AGAP1: variants seen among roughly 807,000 people sequenced by gnomAD.
AGAP1 encodes arf-GAP with GTPase, ANK repeat and PH domain-containing protein 1.
Under a neutral mutation model 105.3 loss-of-function variants are expected in AGAP1, and 29 were observed. That is an observed-to-expected ratio of 0.28 (90% CI 0.21 to 0.38). The LOEUF (loss-of-function observed/expected upper bound fraction) is 0.38. Among genes scored for constraint, AGAP1 ranks in the 10% least tolerant of loss-of-function variants. The pLI is 1.00. For missense variants in AGAP1, 998 were observed against 1,165.1 expected (o/e 0.86, Z 2.09); for synonymous variants, 509 against 485.9 (o/e 1.05, Z -0.63).
At chr2:235,892,016 T>C (rs1318949625) in intron 10 of AGAP1, among the ~76,000 whole-genome samples, 3 of 152,128 alleles carry the variant, frequency 2.0e-5, no homozygotes, top group African/African-American at 7.2e-5. Context: ...TAACCAGGTG[T>C]GCTGGTGGGT....
intron 1 of AGAP1, among the ~76,000 whole-genome samples, chr2:235,685,155 G>A (rs535011918): frequency 1.4e-4 from 21 of 152,186 alleles, no homozygotes; most frequent in African/African-American, 3.9e-4. Context: ...GGGGACTCAC[G>A]CCTTGTGAGG....
In AGAP1 at chr2:235,625,752, T is replaced by A. The variant is rs1211924365; in HGVS notation, c.164-83427T>A. On this transcript the variant is annotated intron_variant, in intron 1 of 17. Coordinates refer to ENST00000304032, the MANE Select transcript of AGAP1 (RefSeq NM_001037131.3). This position sits in a 1 kb window ranked among gnomAD's most constrained non-coding sequence, Gnocchi z 4.0. ...GTTTGTTTGTAGCTTCAGCTAGTAC[T>A]TTTCATTGTAATCATGGCTCAGGTT... Among the ~76,000 whole-genome samples, 1 of 152,218 alleles carries A rather than the reference T, an allele frequency of 6.6e-6. No individual in the cohort carries two copies. Among genetic ancestry groups the A allele is most frequent in the East Asian group, 1.9e-4 (1 of 5,196 alleles).
intron 13 of AGAP1, among the ~76,000 whole-genome samples, chr2:236,004,398 C>T (rs954946658): frequency 7.2e-5 from 11 of 152,128 alleles, no homozygotes. Context: ...TCCCAGTGGG[C>T]CAAAGCTCAT....
intron 9 of AGAP1, chr2:235,852,869 T>A (rs1348304904): frequency 2.1e-6 from 3 of 1,398,984 alleles, no homozygotes; most frequent in African/African-American, 1.4e-5. Context: ...GGAGTTAACA[T>A]AGAGGTGAAC....
At position 235,965,486 on chromosome 2, in the gene AGAP1, A is replaced by G. The variant is rs912303077; in HGVS notation, c.1484-2976A>G. Among the ~76,000 whole-genome samples the G allele has an allele frequency of 6.6e-6, 1 of 152,196 alleles. No individual in the cohort carries two copies. Among genetic ancestry groups the G allele is most frequent in the Non-Finnish European group, 1.5e-5 (1 of 68,020 alleles). On this transcript the variant is annotated intron_variant, in intron 12 of 17. Transcript: ENST00000304032. This position sits in a 1 kb window ranked among gnomAD's most constrained non-coding sequence, Gnocchi z 5.8. ...AGTCAGGAAGAAACACAGTGGATTT[A>G]AACCCTCTATCTGGATAGGAACCTT...
intron 5 of AGAP1, among the ~76,000 whole-genome samples, chr2:235,745,996 C>CA (rs1476578540): frequency 6.6e-6 from 1 of 152,170 alleles, no homozygotes; most frequent in African/African-American, 2.4e-5. Flanking sequence ...CATGGTGGTG[C>CA]ATGCCTGTAA....
At chr2:235,780,863 C>G (rs1956218428) in intron 6 of AGAP1, among the ~76,000 whole-genome samples, 2 of 152,106 alleles carry the variant, frequency 1.3e-5, no homozygotes, top group Non-Finnish European at 2.9e-5. Context: ...ATGGTATCTG[C>G]TGTGTAGCCT....
At chr2:236,057,535 C>T (rs748671688) in intron 16 of AGAP1, among the ~76,000 whole-genome samples, 2 of 152,166 alleles carry the variant, frequency 1.3e-5, no homozygotes, top group Non-Finnish European at 2.9e-5. Flanking sequence ...TCCACCCACA[C>T]AAGTGCAGGG....
Position 235,723,556 on chromosome 2 carries a change from G to C in AGAP1, c.310+5912G>C, listed in dbSNP as rs1023342933. Among the ~76,000 whole-genome samples, 3 of 152,178 alleles carry C rather than the reference G, an allele frequency of 2.0e-5. No homozygotes were observed. The highest frequency in any genetic ancestry group is 6.5e-5 in the Admixed American group (1 of 15,284). The stretch of plus-strand genomic sequence containing the variant: ...CCCGTTCCCCAGGACAACTCTCTCT[G>C]TGTCACCCATGGCATCACAGGCACC... On this transcript the variant is annotated intron_variant, in intron 3 of 17. Transcript: ENST00000304032. This position sits in a 1 kb window ranked among gnomAD's most constrained non-coding sequence, Gnocchi z 6.2.
chr2:236,037,830 C>T (rs1463662330), intron 14 of AGAP1, among the ~76,000 whole-genome samples: 3 of 152,122 alleles, frequency 2.0e-5, no homozygotes, highest in East Asian at 3.9e-4. Context: ...TTTGCTGGGA[C>T]GTCTTAGACT....
At position 236,067,586 on chromosome 2, in the gene AGAP1, A is replaced by G. The variant is rs557750825; in HGVS notation, c.2114+18305A>G. Among the ~76,000 whole-genome samples the G allele has an allele frequency of 3.8e-4, 58 of 152,316 alleles. 1 individual carries two copies. Among genetic ancestry groups the G allele is most frequent in the Non-Finnish European group, 6.6e-4 (45 of 68,016 alleles). On this transcript the variant is annotated intron_variant, in intron 16 of 17. Transcript: ENST00000304032. ...AAGTAAAGATGTTTCTGGAAAGACA[A>G]TCTGATTATTTTCTTAGGAAGTAGT...
chr2:235,650,690 G>A (rs1947552796), intron 1 of AGAP1, among the ~76,000 whole-genome samples: 1 of 152,196 alleles, frequency 6.6e-6, no homozygotes, highest in African/African-American at 2.4e-5. Flanking sequence ...AAAACTCAAT[G>A]TCAAAAACGT....
intron 14 of AGAP1, among the ~76,000 whole-genome samples, chr2:236,039,608 A>G (rs2057486433): frequency 6.6e-6 from 1 of 152,250 alleles, no homozygotes; most frequent in African/African-American, 2.4e-5. Flanking sequence ...TTAAATGTCC[A>G]TCAAAGAGAA....
intron 1 of AGAP1, among the ~76,000 whole-genome samples, chr2:235,706,703 A>G (rs1235542909): frequency 2.6e-5 from 4 of 152,186 alleles, no homozygotes; most frequent in Admixed American, 1.3e-4. Context: ...TGATGTGGCT[A>G]TATCCACAGT....
rs1047017225 is a variant in AGAP1, at chr2:236,075,105, A to C, written c.2114+25824A>C. Among the ~76,000 whole-genome samples the C allele has an allele frequency of 2.6e-5, 4 of 152,258 alleles. No individual in the cohort carries two copies. In the South Asian group the frequency reaches 8.3e-4, roughly 32 times the overall value. ...TCTATAAGTGATTGATTCGGTTTAC[A>C]TGGCGTCTCAGAAAAGGCCAGTCTG... On this transcript the variant is annotated intron_variant, in intron 16 of 17. Coordinates refer to ENST00000304032, the MANE Select transcript of AGAP1 (RefSeq NM_001037131.3).
chr2:235,599,979 C>A lies in AGAP1; in HGVS notation c.163+105130C>A, dbSNP rs1945675317. ...CACTGTGATTTGAAAACAGGCGATTCTTCCAGACAACTTTAAAGATGAGTA... is the reference window on the plus strand; with the variant it reads ...CACTGTGATTTGAAAACAGGCGATTATTCCAGACAACTTTAAAGATGAGTA... On this transcript the variant is annotated intron_variant, in intron 1 of 17. Coordinates refer to ENST00000304032, the MANE Select transcript of AGAP1 (RefSeq NM_001037131.3). The surrounding 1 kb of genome is among the most constrained non-coding windows in gnomAD (Gnocchi z 5.3). 6.6e-6 allele frequency among the ~76,000 whole-genome samples: 1 copy of A among 152,332 alleles called. No individual in the cohort carries two copies. Among genetic ancestry groups the A allele is most frequent in the South Asian group, 2.1e-4 (1 of 4,826 alleles).
At chr2:235,996,321 C>T (rs1435049411) in intron 13 of AGAP1, among the ~76,000 whole-genome samples, 3 of 152,334 alleles carry the variant, frequency 2.0e-5, no homozygotes, top group Admixed American at 6.5e-5. Flanking sequence ...AGGCCAAACT[C>T]GCCTCCTACT....
rs1420230307 is a variant in AGAP1, at chr2:235,964,175, AC to A, written c.1484-4286del. ...AAATGTTAGTTTGGGAGAGAGTGTT[AC>A]AAACACAGAGTGACAGAGGGAAGGA... is the stretch of plus-strand genomic sequence containing the variant. On this transcript the variant is annotated intron_variant, in intron 12 of 17. Coordinates refer to ENST00000304032, the MANE Select transcript of AGAP1 (RefSeq NM_001037131.3). The surrounding 1 kb of genome is among the most constrained non-coding windows in gnomAD (Gnocchi z 4.6). 1.3e-5 allele frequency among the ~76,000 whole-genome samples: 2 copies of A among 152,192 alleles called. No individual in the cohort carries two copies. Among genetic ancestry groups the A allele is most frequent in the Admixed American group, 6.5e-5 (1 of 15,288 alleles).
intron 13 of AGAP1, among the ~76,000 whole-genome samples, chr2:236,013,040 C>A (rs866836093): frequency 2.6e-4 from 40 of 152,080 alleles, no homozygotes; most frequent in African/African-American, 9.7e-4. Context: ...AGGACCTGGC[C>A]TATTTGTTGA....
Sources: allele counts gnomAD v4.1 joint callset (sites outside exome capture counted in the v4.1 genomes callset), GRCh38; gene constraint gnomAD v4.1.1; non-coding constraint Gnocchi (gnomAD v3.1); transcripts MANE v1.5; gene names NCBI Gene and HGNC (gene_info 2026-07-23, HGNC 2026-07-21).